DOCK4: variants seen among roughly 807,000 people sequenced by gnomAD.
DOCK4 encodes the protein dedicator of cytokinesis 4, also known as dedicator of cytokinesis protein 4.
Under a neutral mutation model 268.1 loss-of-function variants are expected in DOCK4, and 97 were observed. That is an observed-to-expected ratio of 0.36 (90% CI 0.31 to 0.43). DOCK4 has a LOEUF of 0.43. Among genes scored for constraint, DOCK4 ranks in the 20% least tolerant of loss-of-function variants. The pLI, the probability that DOCK4 is intolerant of heterozygous loss-of-function variation, is 1.00. For synonymous variants in DOCK4, 954 were observed against 887.2 expected (o/e 1.08, Z -1.34); for missense variants, 2,145 against 2,455.7 (o/e 0.87, Z 2.67).
At chr7:112,190,564 C>T (rs1210243297) in intron 1 of DOCK4, among the ~76,000 whole-genome samples, 1 of 151,418 alleles carries the variant, frequency 6.6e-6, no homozygotes, top group African/African-American at 2.4e-5. Flanking sequence ...TGGAGGACAG[C>T]GTATGAGAGA....
intron 12 of DOCK4, 175 bp downstream of exon 12, chr7:111,935,355 GAGTTATAAGT>G (rs751716655): frequency 1.5e-6 from 1 of 665,076 alleles, no homozygotes. Context: ...TTTTTATAGG[GAGTTATAAGT>G]ACAACCCTAT....
intron 1 of DOCK4, among the ~76,000 whole-genome samples, chr7:112,006,042 T>A (rs1331915852): frequency 6.6e-6 from 1 of 152,176 alleles, no homozygotes; most frequent in African/African-American, 2.4e-5. Context: ...CACACCTTCT[T>A]TCTTAGCCCT....
chr7:111,980,317 G>A (rs1048197121), intron 7 of DOCK4, among the ~76,000 whole-genome samples: 29 of 152,008 alleles, frequency 1.9e-4, no homozygotes, highest in African/African-American at 6.5e-4. Flanking sequence ...CAGTACTTCC[G>A]CAAACTGCTA....
In DOCK4 at chr7:111,906,552, T is replaced by C. The variant is rs529499745; in HGVS notation, c.1193-4751A>G. On this transcript the variant is annotated intron_variant, in intron 13 of 52. Coordinates refer to ENST00000428084, the MANE Select transcript of DOCK4 (RefSeq NM_001363540.2). The stretch of plus-strand genomic sequence containing the variant: ...GGTGGGCTGGGTGGCCCCTCATGTG[T>C]GTGAAAGGCAGATTAAGATCCCCTC... Among the ~76,000 whole-genome samples the C allele has an allele frequency of 4.6e-5, 7 of 152,160 alleles. No individual in the cohort carries two copies. The South Asian group carries it at 1.0e-3, about 23-fold the overall frequency.
chr7:112,161,227 G>A (rs1817093320), intron 1 of DOCK4, among the ~76,000 whole-genome samples: 1 of 151,914 alleles, frequency 6.6e-6, no homozygotes, highest in Non-Finnish European at 1.5e-5. Flanking sequence ...AAAAGAAAAG[G>A]TTGAGAAAAA....
intron 5 of DOCK4, 83 bp from the exon 6 acceptor site, chr7:111,989,246 C>A: frequency 6.4e-7 from 1 of 1,555,966 alleles, no homozygotes. Flanking sequence ...GGGAAGAGGC[C>A]CATTCTGGTT....
intron 32 of DOCK4, among the ~76,000 whole-genome samples, chr7:111,785,798 A>G (rs1217827770): frequency 6.6e-6 from 1 of 152,198 alleles, no homozygotes; most frequent in Non-Finnish European, 1.5e-5. Context: ...GGGAACCCTG[A>G]TAACAGTGAA....
intron 1 of DOCK4, among the ~76,000 whole-genome samples, chr7:112,091,706 T>C (rs1809646602): frequency 6.6e-6 from 1 of 152,048 alleles, no homozygotes; most frequent in South Asian, 2.1e-4. Context: ...ATTTCTCAGA[T>C]TTTTCCTCAC....
chr7:111,729,233 C>T (rs1329356702), intron 52 of DOCK4, among the ~76,000 whole-genome samples: 1 of 152,210 alleles, frequency 6.6e-6, no homozygotes, highest in East Asian at 1.9e-4. Flanking sequence ...GAGTTCAGTT[C>T]ACCGCCCAGT....
chr7:111,746,429 A>G lies in DOCK4; in HGVS notation c.4594-12T>C, dbSNP rs1163953483. On this transcript the variant is annotated splice_polypyrimidine_tract_variant and intron_variant, in intron 43 of 52. Transcript: ENST00000428084. ...TTGACAAAGAATGCCTAGTAAGGGA[A>G]AGGAGAATCAGTCTACTTTAGTGGA... 15 of 1,588,382 alleles carry G rather than the reference A, an allele frequency of 9.4e-6. No homozygotes were observed. The Admixed American group carries it at 2.4e-4, about 26-fold the overall frequency.
intron 35 of DOCK4, among the ~76,000 whole-genome samples, chr7:111,782,530 C>G (rs1798847130): frequency 6.6e-6 from 1 of 152,154 alleles, no homozygotes; most frequent in Non-Finnish European, 1.5e-5. Flanking sequence ...ACAGGGGATA[C>G]AGTGCTTTTT....
chr7:111,816,095 C>T (rs1042519089), intron 27 of DOCK4, among the ~76,000 whole-genome samples: 2 of 152,128 alleles, frequency 1.3e-5, no homozygotes, highest in African/African-American at 4.8e-5. Flanking sequence ...GTTGCCACCT[C>T]ATTTTGGGCT....
intron 36 of DOCK4, among the ~76,000 whole-genome samples, chr7:111,770,761 A>G (rs1345605723): frequency 6.6e-6 from 1 of 152,272 alleles, no homozygotes; most frequent in Non-Finnish European, 1.5e-5. Context: ...CAAAAGACAT[A>G]ATGATAGCTT....
intron 1 of DOCK4, among the ~76,000 whole-genome samples, chr7:112,147,008 T>C (rs1815572306): frequency 6.6e-6 from 1 of 152,162 alleles, no homozygotes; most frequent in Admixed American, 6.6e-5. Context: ...ACAAATGATA[T>C]ATAACTATCA....
At chr7:112,088,017 G>A (rs1563072377) in intron 1 of DOCK4, among the ~76,000 whole-genome samples, 1 of 152,114 alleles carries the variant, frequency 6.6e-6, no homozygotes, top group Non-Finnish European at 1.5e-5. Context: ...GTGAAGGGGA[G>A]TAGATTTTTA....
chr7:112,067,234 CCTTTA>C (rs1399059848), intron 1 of DOCK4, among the ~76,000 whole-genome samples: 1 of 143,862 alleles, frequency 7.0e-6, no homozygotes, highest in Non-Finnish European at 1.5e-5. Flanking sequence ...AAAAAAAACA[CCTTTA>C]CTTAAAAAAA....
intron 1 of DOCK4, among the ~76,000 whole-genome samples, chr7:112,034,551 T>C (rs557056354): frequency 3.3e-5 from 5 of 152,116 alleles, no homozygotes; most frequent in South Asian, 2.1e-4. Flanking sequence ...CTAAGCAGAG[T>C]TGGAGTCAAG....
chr7:111,831,902 A>G (rs1487295026), intron 26 of DOCK4, among the ~76,000 whole-genome samples: 2 of 152,120 alleles, frequency 1.3e-5, no homozygotes, highest in South Asian at 2.1e-4. Flanking sequence ...CAAAGTCTAC[A>G]CTCATTCATA....
At chr7:111,961,181 A>G (rs922906242) in intron 8 of DOCK4, among the ~76,000 whole-genome samples, 5 of 151,798 alleles carry the variant, frequency 3.3e-5, no homozygotes, top group African/African-American at 1.2e-4. Context: ...TTCCCCCTTT[A>G]CTTAAAAAAG....
Sources: allele counts gnomAD v4.1 joint callset (sites outside exome capture counted in the v4.1 genomes callset), GRCh38; gene constraint gnomAD v4.1.1; transcripts MANE v1.5; gene names NCBI Gene and HGNC (gene_info 2026-07-23, HGNC 2026-07-21).